SLC15A3: variants seen among roughly 807,000 people sequenced by gnomAD.
SLC15A3 encodes solute carrier family 15 member 3.
A neutral mutation model predicts 49.2 loss-of-function variants in SLC15A3; 39 were observed. The observed-to-expected ratio is 0.79, with a 90% CI of 0.61 to 1.04. The LOEUF (loss-of-function observed/expected upper bound fraction) is 1.04. SLC15A3 is among the 50% of genes least tolerant of loss of function. The probability of loss-of-function intolerance (pLI) is 0.00; values close to 1 mark genes in which losing one functional copy is unlikely to be tolerated. For synonymous variants in SLC15A3, 339 were observed against 367.0 expected (o/e 0.92, Z 0.87); for missense variants, 758 against 794.8 (o/e 0.95, Z 0.56).
At position 60,946,647 on chromosome 11, in the gene SLC15A3, G is replaced by A. The variant is rs917052499; in HGVS notation, c.733C>T (p.Leu245Phe). The A allele has an allele frequency of 3.1e-6, 5 of 1,614,018 alleles. No individual in the cohort carries two copies. The highest frequency in any genetic ancestry group is 2.7e-5 in the African/African-American group (2 of 74,914). Residue 245 changes from leucine (L) to phenylalanine (F), a missense_variant, in exon 2 of 8, where the codon CTC (leucine) becomes TTC (phenylalanine). Coordinates refer to ENST00000227880, the MANE Select transcript of SLC15A3 (RefSeq NM_016582.3). ...GCVGLAFFIF[L>F]FATPVFITKP... ...GTGATGAAGACGGGGGTGGCAAAGA[G>A]GAAGATGAAAAATGCCAGGCCCACA...
chr11:60,941,983 G>A (rs1856716165), intron 4 of SLC15A3, 52 bp downstream of exon 4: 1 of 1,543,582 alleles, frequency 6.5e-7, no homozygotes, highest in Admixed American at 1.7e-5. Context: ...TCTTCTCAGA[G>A]GAAGCCGCTA....
intron 3 of SLC15A3, 126 bp from the exon 4 acceptor site, chr11:60,942,271 G>A (rs1183752078): frequency 2.7e-6 from 2 of 745,164 alleles, no homozygotes; most frequent in East Asian, 2.7e-5. Flanking sequence ...CAGTCTCAGG[G>A]AGATAGTCAC....
intron 4 of SLC15A3, 133 bp downstream of exon 4, chr11:60,941,902 G>A: frequency 1.2e-6 from 1 of 842,840 alleles, no homozygotes; most frequent in South Asian, 1.6e-5. Flanking sequence ...CACCCTCCAG[G>A]TGCTTTTCCT....
chr11:60,943,784 C>T lies in SLC15A3; in HGVS notation c.901G>A (p.Ala301Thr). Residue 301 changes from alanine (A) to threonine (T), a missense_variant, in exon 3 of 8, where the codon GCT (alanine) becomes ACT (threonine). Physicochemically the swap from Ala to Thr is moderately conservative, Grantham distance 58. Around this residue, in one of 3 missense-constraint regions of SLC15A3, gnomAD observed 699 missense variants for 706.7 expected, o/e 0.99. Transcript: ENST00000227880. ...TTGGCGATGTCCTCTTGCGGGGAAG[C>T]CCCTGGCTGGGGAGACCTCTCGTCG... ...LADERSPQPGASPQEDIANFQ... is the reference protein window; with the variant it reads ...LADERSPQPGTSPQEDIANFQ... 6.2e-7 allele frequency: 1 copy of T among 1,603,754 alleles called. No individual in the cohort carries two copies.
chr11:60,943,545 G>T, intron 3 of SLC15A3, 144 bp downstream of exon 3: 2 of 850,656 alleles, frequency 2.4e-6, no homozygotes, highest in Non-Finnish European at 3.2e-6. Flanking sequence ...CAGGCCCCAT[G>T]CTAGCTGGTA....
chr11:60,937,497 A>G, intron 7 of SLC15A3, 124 bp from the exon 8 acceptor site: 1 of 1,249,464 alleles, frequency 8.0e-7, no homozygotes, highest in South Asian at 1.3e-5. Flanking sequence ...GGATCTGAAG[A>G]CACTGGACAG....
At chr11:60,942,938 T>TCACACACA (rs10536589) in intron 3 of SLC15A3, 19 of 146,768 alleles carry the variant, frequency 1.3e-4, no homozygotes, top group Admixed American at 4.0e-4. Flanking sequence ...CACCCTCCTA[T>TCACACACA]CACACACACA....
At chr11:60,946,167 A>AT (rs1412137498) in intron 2 of SLC15A3, among the ~76,000 whole-genome samples, 1 of 151,774 alleles carries the variant, frequency 6.6e-6, no homozygotes, top group African/African-American at 2.4e-5. Context: ...TAATTTTTGT[A>AT]TTTTTTTGTA....
intron 1 of SLC15A3, among the ~76,000 whole-genome samples, chr11:60,947,132 A>G (rs1244931950): frequency 6.6e-6 from 1 of 151,330 alleles, no homozygotes; most frequent in African/African-American, 2.4e-5. Context: ...GGACTTGTTC[A>G]TTTCTGGTTG....
At position 60,938,024 on chromosome 11, in the gene SLC15A3, G is replaced by C; in HGVS notation, c.1437C>G (p.Gly479=). ...GISEIFASIP[G]LEFAYSEAPR... ...GGGCCTCTGAGTAGGCAAACTCCAG[G>C]CCTGCAGAGGGGGAGCAGAGACGAT... is the stretch of plus-strand genomic sequence containing the variant. Residue 479 remains glycine (G), a splice_region_variant and synonymous_variant, in exon 7 of 8, where the codon GGC becomes GGG. Transcript: ENST00000227880. The C allele has an allele frequency of 6.2e-7, 1 of 1,613,562 alleles. No homozygotes were observed. The highest frequency in any genetic ancestry group is 8.5e-7 in the Non-Finnish European group (1 of 1,179,818).
chr11:60,937,510 ACC>A, intron 7 of SLC15A3, 137 bp from the exon 8 acceptor site: 1 of 1,124,204 alleles, frequency 8.9e-7, no homozygotes, highest in Non-Finnish European at 1.3e-6. Context: ...CTGGACAGAT[ACC>A]CACTAATGTT....
intron 6 of SLC15A3, among the ~76,000 whole-genome samples, chr11:60,938,769 G>A (rs918893168): frequency 6.6e-6 from 1 of 152,010 alleles, no homozygotes; most frequent in Non-Finnish European, 1.5e-5. Context: ...TCACCTGCCC[G>A]CCTCCTCTCC....
At chr11:60,938,065 A>C (rs910416939) in intron 6 of SLC15A3, 40 bp from the exon 7 acceptor site, 10 of 1,602,822 alleles carry the variant, frequency 6.2e-6, no homozygotes, top group Non-Finnish European at 8.5e-6. Flanking sequence ...GGGCTGGTGC[A>C]GGCGCAGAGA....
chr11:60,942,081 G>C lies in SLC15A3; in HGVS notation c.1061C>G (p.Pro354Arg), dbSNP rs199700410. 7.6e-5 allele frequency: 122 copies of C among 1,614,138 alleles called. No homozygotes were observed. The highest frequency in any genetic ancestry group is 9.6e-5 in the Non-Finnish European group (113 of 1,179,996). ...LHIPNIFPAN[P>R]ANISVALRAQ... ...TCTCAGGGCCACAGAGATGTTGGCC[G>C]GGTTGGCTGGGAAAATGTTTGGGAT... The change falls in exon 4 of 8, where the codon CCG (proline) becomes CGG (arginine). Residue 354 changes from proline to arginine, a missense_variant. Transcript: ENST00000227880.
In SLC15A3 at chr11:60,946,573, G is replaced by A; in HGVS notation, c.807C>T (p.Leu269=). 1 of 1,595,510 alleles carries A rather than the reference G, an allele frequency of 6.3e-7. No individual in the cohort carries two copies. Among genetic ancestry groups the A allele is most frequent in the Non-Finnish European group, 8.6e-7 (1 of 1,167,172 alleles). The change falls in exon 2 of 8, where the codon CTC becomes CTT. Residue 269 remains leucine, a synonymous_variant. Coordinates refer to ENST00000227880, the MANE Select transcript of SLC15A3 (RefSeq NM_016582.3). ...GCCACAGCTGGGGGCAGCAGTTTTG[G>A]AGAGCGAGCTTAAGCATAGAGGACA... ...SQVSSMLKLA[L]QNCCPQLWQR... is the part of the protein sequence containing the mutation.
At chr11:60,946,414 A>G in intron 2 of SLC15A3, 118 bp downstream of exon 2, 2 of 1,195,956 alleles carry the variant, frequency 1.7e-6, no homozygotes, top group South Asian at 3.3e-5. Context: ...GCAGATCATC[A>G]TAAAAAGCTA....
In SLC15A3 at chr11:60,937,310, G is replaced by T; in HGVS notation, c.1655C>A (p.Thr552Lys). The change falls in exon 8 of 8, where the codon ACG becomes AAG. Residue 552 changes from threonine to lysine, a missense_variant. By Grantham distance (78) the Thr-to-Lys change is moderately conservative. Coordinates refer to ENST00000227880, the MANE Select transcript of SLC15A3 (RefSeq NM_016582.3). The stretch of plus-strand genomic sequence containing the variant: ...AGCGATCCAGACAAATAGGAGAGCC[G>T]TGACGGCCTGAATGCCAGCCAGCAG... Reference protein sequence around the residue: ...FFLLAGIQAVTALLFVWIAGR... With the variant: ...FFLLAGIQAVKALLFVWIAGR... 1.2e-6 allele frequency: 2 copies of T among 1,614,178 alleles called. No individual in the cohort carries two copies. The highest frequency in any genetic ancestry group is 1.3e-5 in the African/African-American group (1 of 75,056).
chr11:60,937,435 C>T, intron 7 of SLC15A3, 62 bp from the exon 8 acceptor site: 1 of 1,601,658 alleles, frequency 6.2e-7, no homozygotes, highest in South Asian at 1.1e-5. Flanking sequence ...CGCCCTGTGC[C>T]TGCCGTGTCC....
At chr11:60,945,768 G>A (rs999451799) in intron 2 of SLC15A3, among the ~76,000 whole-genome samples, 2 of 152,172 alleles carry the variant, frequency 1.3e-5, no homozygotes, top group African/African-American at 2.4e-5. Context: ...GAGTTTGGCC[G>A]ATTTCCTAAG....
Sources: allele counts gnomAD v4.1 joint callset (sites outside exome capture counted in the v4.1 genomes callset), GRCh38; gene constraint gnomAD v4.1.1; regional missense constraint gnomAD v4.1.1; transcripts MANE v1.5; gene names NCBI Gene and HGNC (gene_info 2026-07-23, HGNC 2026-07-21).